Variants in RAPGEF4 observed in about 807,000 individuals in gnomAD.
The protein encoded by RAPGEF4 is RAP guanine-nucleotide-exchange factor (GEF) 4.
RAPGEF4 carries 66 observed loss-of-function variants against 147.9 expected under a neutral mutation model. The observed-to-expected ratio is 0.45, with a 90% confidence interval of 0.37 to 0.55. The LOEUF is 0.55. RAPGEF4 is among the 20% of genes least tolerant of loss of function. The probability of loss-of-function intolerance (pLI) is 0.00; values close to 1 mark genes in which losing one functional copy is unlikely to be tolerated. For synonymous variants in RAPGEF4, 419 were observed against 442.7 expected (o/e 0.95, Z 0.67); for missense variants, 1,071 against 1,257.3 (o/e 0.85, Z 2.24).
At chr2:172,888,555 C>A (rs1326515356) in intron 4 of RAPGEF4, among the ~76,000 whole-genome samples, 1 of 152,230 alleles carries the variant, frequency 6.6e-6, no homozygotes, top group African/African-American at 2.4e-5. Context: ...TTAGCTCTGT[C>A]TTTCATTTGT....
chr2:172,961,400 A>T (rs1689279632), intron 8 of RAPGEF4, among the ~76,000 whole-genome samples, 172 bp downstream of exon 8: 1 of 152,208 alleles, frequency 6.6e-6, no homozygotes, highest in African/African-American at 2.4e-5. Flanking sequence ...TTGTTTAATT[A>T]TCCTTAATAT....
chr2:173,037,805 T>G (rs1340729398), intron 29 of RAPGEF4, among the ~76,000 whole-genome samples: 2 of 152,196 alleles, frequency 1.3e-5, no homozygotes, highest in Admixed American at 1.3e-4. Context: ...TGAGTCGGTT[T>G]CCCCAACAGA....
chr2:172,932,144 A>G (rs1686063262), intron 6 of RAPGEF4, among the ~76,000 whole-genome samples: 1 of 152,312 alleles, frequency 6.6e-6, no homozygotes, highest in East Asian at 1.9e-4. Context: ...TTTTAGTTAC[A>G]TGGCACAAGA....
intron 26 of RAPGEF4, among the ~76,000 whole-genome samples, chr2:173,030,542 A>G (rs753749114): frequency 3.9e-4 from 59 of 152,314 alleles, no homozygotes; most frequent in Non-Finnish European, 1.3e-4. Flanking sequence ...AACATGAAGG[A>G]CCCACATTGC....
intron 4 of RAPGEF4, among the ~76,000 whole-genome samples, chr2:172,884,451 A>G (rs79709051): frequency 0.016 from 2,375 of 152,320 alleles, 25 homozygotes; most frequent in South Asian, 0.036. Context: ...TTGCCAGAAG[A>G]TTCAGTTTTG....
chr2:172,855,248 T>A (rs1326149344), intron 4 of RAPGEF4, among the ~76,000 whole-genome samples: 1 of 152,190 alleles, frequency 6.6e-6, no homozygotes, highest in African/African-American at 2.4e-5. Context: ...TTACCACATC[T>A]ATTAACTTTT....
intron 1 of RAPGEF4, among the ~76,000 whole-genome samples, chr2:172,773,644 G>GCCTCCCTGCCCCACACTGC (rs1683860041): frequency 2.6e-5 from 3 of 115,564 alleles, no homozygotes; most frequent in Non-Finnish European, 5.5e-5. Flanking sequence ...GCCCCACACT[G>GCCTCCCTGCCCCACACTGC]CCCCCCCCGC....
chr2:173,029,656 A>G (rs1206150769), intron 25 of RAPGEF4, among the ~76,000 whole-genome samples: 1 of 152,198 alleles, frequency 6.6e-6, no homozygotes, highest in Non-Finnish European at 1.5e-5. Flanking sequence ...CAGCCTATAG[A>G]GATCACACCT....
intron 29 of RAPGEF4, 120 bp from the exon 30 acceptor site, chr2:173,048,480 A>ATCTCAGAACATGTCACT: frequency 6.8e-7 from 1 of 1,471,686 alleles, no homozygotes. Context: ...GATAGTCAAC[A>ATCTCAGAACATGTCACT]TCTCAGAACA....
intron 3 of RAPGEF4, 106 bp from the exon 4 acceptor site, chr2:172,814,173 A>T: frequency 9.0e-7 from 1 of 1,114,900 alleles, no homozygotes; most frequent in Non-Finnish European, 1.3e-6. Context: ...CTATGCAATT[A>T]AATTGGGTGT....
At chr2:172,750,760 C>T (rs1695211006) in intron 1 of RAPGEF4, among the ~76,000 whole-genome samples, 1 of 152,194 alleles carries the variant, frequency 6.6e-6, no homozygotes, top group Admixed American at 6.5e-5. Context: ...CCTTTTCATA[C>T]ACCTGTTCAC....
At chr2:172,901,213 G>A (rs1434812889) in intron 4 of RAPGEF4, among the ~76,000 whole-genome samples, 4 of 152,190 alleles carry the variant, frequency 2.6e-5, no homozygotes, top group Non-Finnish European at 5.9e-5. Flanking sequence ...TCACCAATGA[G>A]TATATTTTGG....
chr2:172,881,163 G>C (rs1696576479), intron 4 of RAPGEF4, among the ~76,000 whole-genome samples: 1 of 152,150 alleles, frequency 6.6e-6, no homozygotes, highest in Non-Finnish European at 1.5e-5. Flanking sequence ...TCTGATTTTT[G>C]AGTTCTTCTG....
intron 10 of RAPGEF4, among the ~76,000 whole-genome samples, chr2:172,968,253 G>A (rs752737953): frequency 2.5e-4 from 38 of 152,130 alleles, no homozygotes; most frequent in Non-Finnish European, 3.5e-4. Context: ...AAATGAAGAC[G>A]CCCTCTGCCC....
chr2:172,857,279 A>T (rs1693534681), intron 4 of RAPGEF4, among the ~76,000 whole-genome samples: 1 of 152,184 alleles, frequency 6.6e-6, no homozygotes, highest in African/African-American at 2.4e-5. Flanking sequence ...AGGCAAATCC[A>T]AGTCTTAGGA....
chr2:172,996,680 G>A, intron 16 of RAPGEF4, 126 bp downstream of exon 16: 1 of 651,668 alleles, frequency 1.5e-6, no homozygotes, highest in South Asian at 1.9e-5. Context: ...ATTGATATTT[G>A]AAAAGCATCT....
intron 10 of RAPGEF4, among the ~76,000 whole-genome samples, chr2:172,980,163 G>A (rs1691525955): frequency 6.6e-6 from 1 of 152,240 alleles, no homozygotes; most frequent in African/African-American, 2.4e-5. Flanking sequence ...GCTGGAGAGA[G>A]AGTGTAGCTA....
intron 17 of RAPGEF4, among the ~76,000 whole-genome samples, chr2:173,009,161 T>G (rs944884267): frequency 3.9e-5 from 6 of 152,226 alleles, no homozygotes; most frequent in Admixed American, 2.0e-4. Flanking sequence ...ACAATTAAAT[T>G]CTTTATGAAT....
At chr2:172,766,308 T>C (rs1696833937) in intron 1 of RAPGEF4, among the ~76,000 whole-genome samples, 1 of 152,120 alleles carries the variant, frequency 6.6e-6, no homozygotes, top group African/African-American at 2.4e-5. Context: ...TGCTGGCATT[T>C]TGGGAGGCCA....
Sources: gnomAD v4.1 joint callset for allele counts (sites outside exome capture counted in the v4.1 genomes callset) on GRCh38, gnomAD v4.1.1 for gene constraint, MANE v1.5 for transcripts, NCBI Gene and HGNC (gene_info 2026-07-23, HGNC 2026-07-21) for gene names.